NF1: variants seen among roughly 807,000 people sequenced by gnomAD.
The protein encoded by NF1 is neurofibromin 1.
In NF1, 122 loss-of-function variants were observed where a neutral mutation model predicts 325.7. The observed-to-expected ratio is 0.37, with a 90% CI of 0.32 to 0.44. NF1 has a LOEUF of 0.44. NF1 is among the 20% of genes least tolerant of loss of function. NF1 has a pLI of 1.00. For synonymous variants in NF1, 1,091 were observed against 1,186.0 expected (o/e 0.92, Z 1.65); for missense variants, 2,140 against 3,415.4 (o/e 0.63, Z 9.31).
intron 36 of NF1, among the ~76,000 whole-genome samples, chr17:31,303,354 C>T (rs2068618996): frequency 6.6e-6 from 1 of 152,136 alleles, no homozygotes; most frequent in Non-Finnish European, 1.5e-5. Flanking sequence ...ATAACTCAGA[C>T]TTACCAATTG....
rs139209104 is a variant in NF1, at chr17:31,283,575, C to T, written c.4835+18236C>T. On this transcript the variant is annotated intron_variant, in intron 36 of 57. Transcript: ENST00000358273. ...GCTCAAGTGATCCTTCCAGCTCAGCCTCCTGAGTAGCTGGAACTACAGGTG... is the reference window on the plus strand; with the variant it reads ...GCTCAAGTGATCCTTCCAGCTCAGCTTCCTGAGTAGCTGGAACTACAGGTG... Among the ~76,000 whole-genome samples, 695 of 152,220 alleles carry T rather than the reference C, an allele frequency of 4.6e-3. 6 individuals are homozygous for T. The highest frequency in any genetic ancestry group is 0.016 in the African/African-American group (665 of 41,566).
intron 36 of NF1, 32 bp from the exon 37 acceptor site, chr17:31,325,788 A>C (rs1023922526): frequency 1.2e-5 from 18 of 1,556,670 alleles, no homozygotes; most frequent in Non-Finnish European, 1.6e-5. Context: ...AACACTGCTA[A>C]TAATCTTTGT....
intron 57 of NF1, among the ~76,000 whole-genome samples, chr17:31,371,898 C>T (rs1293545312): frequency 6.6e-6 from 1 of 152,152 alleles, no homozygotes; most frequent in Non-Finnish European, 1.5e-5. Context: ...AACCAGGCCA[C>T]GTGCTTACAG....
At chr17:31,153,766 A>G (rs868681281) in intron 1 of NF1, among the ~76,000 whole-genome samples, 69 of 148,294 alleles carry the variant, frequency 4.7e-4, no homozygotes, top group African/African-American at 1.7e-3. Context: ...CACACTACCA[A>G]GCCTAGATTT....
chr17:31,256,362 C>T (rs1251852512), intron 31 of NF1, among the ~76,000 whole-genome samples: 4 of 152,188 alleles, frequency 2.6e-5, no homozygotes, highest in Admixed American at 2.0e-4. Flanking sequence ...TGGTTTCGAA[C>T]TCCTAGCCTC....
intron 1 of NF1, among the ~76,000 whole-genome samples, chr17:31,143,795 T>C (rs1284322275): frequency 6.6e-6 from 1 of 152,082 alleles, no homozygotes; most frequent in Admixed American, 6.6e-5. Context: ...GTCATGTCTC[T>C]TGTTCTTGTT....
At chr17:31,167,843 TAGG>T (rs1175344711) in intron 4 of NF1, among the ~76,000 whole-genome samples, 1 of 152,198 alleles carries the variant, frequency 6.6e-6, no homozygotes, top group Non-Finnish European at 1.5e-5. Context: ...ATATTCAACA[TAGG>T]AGAAGCTGGG....
At chr17:31,318,180 TC>T in intron 36 of NF1, 1 of 1,260,074 alleles carries the variant, frequency 7.9e-7, no homozygotes, top group Non-Finnish European at 1.1e-6. Context: ...CCTGCTTGAT[TC>T]TAAATTGCAA....
intron 5 of NF1, among the ~76,000 whole-genome samples, chr17:31,177,132 G>A (rs970947117): frequency 6.6e-6 from 1 of 152,004 alleles, no homozygotes; most frequent in African/African-American, 2.4e-5. Context: ...TCTTCCTATC[G>A]ATGAGCATGG....
chr17:31,107,338 CAT>C (rs1373788141), intron 1 of NF1, among the ~76,000 whole-genome samples: 1 of 152,122 alleles, frequency 6.6e-6, no homozygotes, highest in Non-Finnish European at 1.5e-5. Flanking sequence ...TTGTTTTAGT[CAT>C]ATATTGGCGA....
chr17:31,226,783 G>C, intron 18 of NF1, 99 bp downstream of exon 18: 1 of 1,510,208 alleles, frequency 6.6e-7, no homozygotes, highest in Non-Finnish European at 9.1e-7. Context: ...TAAGTTTACA[G>C]GGGAAATTCA....
chr17:31,105,771 C>T (rs1429902526), intron 1 of NF1, among the ~76,000 whole-genome samples: 1 of 152,162 alleles, frequency 6.6e-6, no homozygotes, highest in Admixed American at 6.5e-5. Flanking sequence ...GCCTTGGCCT[C>T]CCAAAGTGCT....
In NF1 at chr17:31,357,012, A is replaced by G. The variant is rs1597866426; in HGVS notation, c.7791A>G (p.Ser2597=). Residue 2597 remains serine, a synonymous_variant, in exon 53 of 58, where the codon TCA becomes TCG. Coordinates refer to ENST00000358273, the MANE Select transcript of NF1 (RefSeq NM_001042492.3). ...SQQHPHLRKV[S]VSESNVLLDE... is the part of the protein sequence containing the mutation. ...AGCACCCACATTTACGTAAAGTTTC[A>G]GTGTCTGAATCAAATGTTCTCTTGG... 2 of 1,614,004 alleles carry G rather than the reference A, an allele frequency of 1.2e-6. No individual in the cohort carries two copies. Among genetic ancestry groups the G allele is most frequent in the Non-Finnish European group, 1.7e-6 (2 of 1,179,942 alleles).
chr17:31,288,042 T>G (rs1222760913), intron 36 of NF1, among the ~76,000 whole-genome samples: 1 of 151,786 alleles, frequency 6.6e-6, no homozygotes, highest in Non-Finnish European at 1.5e-5. Flanking sequence ...GTAACTAACC[T>G]ACACATTGTG....
rs1002411821 is a variant in NF1 at position 31,343,798 on chromosome 17, A to G, written c.7189+663A>G. Among the ~76,000 whole-genome samples the G allele has an allele frequency of 2.0e-5, 3 of 152,236 alleles. No individual in the cohort carries two copies. In the East Asian group the frequency reaches 5.8e-4, roughly 29 times the overall value. On this transcript the variant is annotated intron_variant, in intron 48 of 57. Coordinates refer to ENST00000358273, the MANE Select transcript of NF1 (RefSeq NM_001042492.3). The stretch of plus-strand genomic sequence containing the variant: ...TGGTGAAACCCCCTTTCTACAAAAA[A>G]TAAAAACATTAGCCAGGTGCGGTGG...
chr17:31,243,704 A>G (rs2067343495), intron 29 of NF1, among the ~76,000 whole-genome samples: 1 of 151,488 alleles, frequency 6.6e-6, no homozygotes, highest in South Asian at 2.1e-4. Context: ...CTCTCCCTTA[A>G]GGCCTTGGGG....
chr17:31,247,657 A>C (rs767674706), intron 29 of NF1, among the ~76,000 whole-genome samples: 5 of 152,208 alleles, frequency 3.3e-5, no homozygotes, highest in Non-Finnish European at 7.3e-5. Flanking sequence ...ATAACTCAGA[A>C]ATTTCATTTT....
Position 31,356,556 on chromosome 17 carries a change from G to A in NF1, c.7712G>A (p.Arg2571Lys), listed in dbSNP as rs1597865842. ...ATCACAACACCCCCCAAAATGAGGA[G>A]AGTAGCAGAAACTGATTATGAAATG... ...SGITTPPKMR[R>K]VAETDYEMET... Residue 2571 changes from arginine to lysine, a missense_variant, in exon 52 of 58, where the codon AGA becomes AAA. This residue lies in a region of NF1 where 522 missense variants were observed against 749.0 expected (regional missense o/e 0.70). Coordinates refer to ENST00000358273, the MANE Select transcript of NF1 (RefSeq NM_001042492.3). 1 of 1,613,780 alleles carries A rather than the reference G, an allele frequency of 6.2e-7. No individual in the cohort carries two copies. The highest frequency in any genetic ancestry group is 8.5e-7 in the Non-Finnish European group (1 of 1,179,776).
chr17:31,122,724 T>A (rs1234718538), intron 1 of NF1, among the ~76,000 whole-genome samples: 4 of 152,334 alleles, frequency 2.6e-5, no homozygotes, highest in Middle Eastern at 3.4e-3. Context: ...TGGTTTGTAA[T>A]CTCAATTGAA....
Sources: allele counts gnomAD v4.1 joint callset (sites outside exome capture counted in the v4.1 genomes callset), GRCh38; gene constraint gnomAD v4.1.1; regional missense constraint gnomAD v4.1.1; transcripts MANE v1.5; gene names NCBI Gene and HGNC (gene_info 2026-07-23, HGNC 2026-07-21).